The following XRCC4 variants were observed in gnomAD, a reference collection of about 807,000 sequenced individuals.
XRCC4 encodes the protein X-ray repair cross complementing 4, also known as DNA repair protein XRCC4.
A neutral mutation model predicts 39.1 loss-of-function variants in XRCC4; 28 were observed. That is an observed-to-expected ratio of 0.72 (90% confidence interval 0.53 to 0.98). The LOEUF (loss-of-function observed/expected upper bound fraction) is 0.98, where lower values mean the gene tolerates loss of function less well. Ranked by LOEUF, XRCC4 falls within the 50% of genes least tolerant of loss-of-function variation. The pLI is 0.00. For missense variants in XRCC4, 350 were observed against 376.4 expected, an observed-to-expected ratio of 0.93 and a Z score of 0.58; for synonymous variants, 123 against 126.4, an observed-to-expected ratio of 0.97 and a Z score of 0.18.
intron 3 of XRCC4, among the ~76,000 whole-genome samples, chr5:83,192,443 G>C (rs1189329771): frequency 2.0e-5 from 3 of 151,536 alleles, no homozygotes; most frequent in Non-Finnish European, 4.4e-5. Context: ...GAGTAGCTGG[G>C]ACTACAGGCA....
At chr5:83,271,289 A>G (rs1308008001) in intron 7 of XRCC4, among the ~76,000 whole-genome samples, 2 of 152,180 alleles carry the variant, frequency 1.3e-5, no homozygotes, top group East Asian at 3.8e-4. Context: ...TTGGAATATC[A>G]TAGATTATTA....
intron 3 of XRCC4, among the ~76,000 whole-genome samples, chr5:83,195,512 C>G (rs1750899536): frequency 6.6e-6 from 1 of 152,064 alleles, no homozygotes; most frequent in Non-Finnish European, 1.5e-5. Context: ...ATGTTGCTTT[C>G]TTTTCTGCTA....
chr5:83,157,919 G>A (rs889755170), intron 3 of XRCC4, among the ~76,000 whole-genome samples: 2 of 152,036 alleles, frequency 1.3e-5, no homozygotes, highest in African/African-American at 4.8e-5. Context: ...TGGTTATTCA[G>A]TTATTGAAAA....
chr5:83,323,488 G>T (rs1349696677), intron 7 of XRCC4, among the ~76,000 whole-genome samples: 4 of 151,934 alleles, frequency 2.6e-5, no homozygotes, highest in African/African-American at 9.7e-5. Flanking sequence ...TAATCAGTTG[G>T]AGAGAAATTA....
chr5:83,096,381 G>A (rs1304368579), intron 1 of XRCC4, among the ~76,000 whole-genome samples: 1 of 152,118 alleles, frequency 6.6e-6, no homozygotes, highest in Non-Finnish European at 1.5e-5. Flanking sequence ...ATGTTGGTGG[G>A]CTGACCGGCC....
chr5:83,151,077 T>C (rs1748680397), intron 3 of XRCC4, among the ~76,000 whole-genome samples: 1 of 152,134 alleles, frequency 6.6e-6, no homozygotes, highest in Admixed American at 6.5e-5. Flanking sequence ...CAAGGCTTCA[T>C]ATATACATTT....
At chr5:83,141,542 A>AT (rs1287183659) in intron 3 of XRCC4, among the ~76,000 whole-genome samples, 2 of 151,916 alleles carry the variant, frequency 1.3e-5, no homozygotes, top group Non-Finnish European at 2.9e-5. Context: ...TTTAGTTTGC[A>AT]TTTTTCCAAT....
chr5:83,209,677 C>T (rs72767195), intron 6 of XRCC4, among the ~76,000 whole-genome samples: 5,677 of 151,984 alleles, frequency 0.037, 146 homozygotes, highest in South Asian at 0.13. Flanking sequence ...ATTTTAATTC[C>T]TCACTAATTA....
intron 7 of XRCC4, among the ~76,000 whole-genome samples, chr5:83,350,199 T>C (rs1461721788): frequency 6.6e-6 from 1 of 152,220 alleles, no homozygotes; most frequent in Non-Finnish European, 1.5e-5. Context: ...GTCTTTGCTG[T>C]TGTGAATAGT....
rs576385850 is a variant in XRCC4, at chr5:83,347,235, T to TA, written c.894-5888dup. On this transcript the variant is annotated intron_variant, in intron 7 of 7. Coordinates refer to ENST00000396027, the MANE Select transcript of XRCC4 (RefSeq NM_003401.5). ...AATGTGTAGAATGATCACATTTTTG[T>TA]AAAAAAAAGGCTGTGAATGTACAAG... 7.9e-4 allele frequency among the ~76,000 whole-genome samples: 120 copies of TA among 152,022 alleles called. 1 individual carries two copies. Among genetic ancestry groups the TA allele is most frequent in the African/African-American group, 7.7e-4 (32 of 41,460 alleles).
At chr5:83,096,993 C>A (rs1745707674) in intron 1 of XRCC4, among the ~76,000 whole-genome samples, 1 of 152,136 alleles carries the variant, frequency 6.6e-6, no homozygotes, top group Non-Finnish European at 1.5e-5. Context: ...GAAAATAGAG[C>A]TTGACTTAAA....
At chr5:83,266,032 T>C (rs1753942319) in intron 7 of XRCC4, among the ~76,000 whole-genome samples, 1 of 152,100 alleles carries the variant, frequency 6.6e-6, no homozygotes. Flanking sequence ...GTATGTTTCC[T>C]ATATGTTATA....
chr5:83,290,324 A>G (rs972266953), intron 7 of XRCC4, among the ~76,000 whole-genome samples: 2 of 151,618 alleles, frequency 1.3e-5, no homozygotes, highest in African/African-American at 4.8e-5. Flanking sequence ...TCTTATTTTG[A>G]CTTATATATA....
intron 1 of XRCC4, among the ~76,000 whole-genome samples, chr5:83,083,375 A>ATTTTTT (rs576959639): frequency 8.7e-5 from 11 of 126,860 alleles, no homozygotes; most frequent in African/African-American, 1.9e-4. Context: ...TGAATCTGTA[A>ATTTTTT]TTTTTTTTTT....
intron 3 of XRCC4, among the ~76,000 whole-genome samples, chr5:83,143,214 T>G (rs1561359306): frequency 6.6e-6 from 1 of 152,148 alleles, no homozygotes; most frequent in Non-Finnish European, 1.5e-5. Context: ...GAGAATTAGT[T>G]TTGTTATTAT....
intron 6 of XRCC4, among the ~76,000 whole-genome samples, chr5:83,207,178 C>T (rs937493215): frequency 1.3e-5 from 2 of 152,040 alleles, no homozygotes; most frequent in African/African-American, 4.8e-5. Flanking sequence ...ATACAATGAC[C>T]TTTGGTCTTG....
rs113943935 is a variant in XRCC4, at chr5:83,190,117, G to C, written c.316-5653G>C. ...CATTTTAGAAAGTCACTAAACTGAA[G>C]AGTTCAGGATATAAAGACTTAGGTT... On this transcript the variant is annotated intron_variant, in intron 3 of 7. Transcript: ENST00000396027. Among the ~76,000 whole-genome samples the C allele has an allele frequency of 7.2e-3, 1,095 of 152,154 alleles. 8 individuals are homozygous for C. The highest frequency in any genetic ancestry group is 0.013 in the Admixed American group (206 of 15,274).
intron 6 of XRCC4, among the ~76,000 whole-genome samples, chr5:83,254,195 A>G (rs1183862212): frequency 6.6e-6 from 1 of 151,092 alleles, no homozygotes; most frequent in Non-Finnish European, 1.5e-5. Context: ...AGAATTCTGG[A>G]GGTGGAATCT....
intron 6 of XRCC4, among the ~76,000 whole-genome samples, chr5:83,245,742 T>C (rs988687520): frequency 6.6e-6 from 1 of 152,074 alleles, no homozygotes; most frequent in East Asian, 1.9e-4. Context: ...AAATATCTTA[T>C]TTGATCAGGG....
Sources: allele counts gnomAD v4.1 joint callset (sites outside exome capture counted in the v4.1 genomes callset), GRCh38; gene constraint gnomAD v4.1.1; transcripts MANE v1.5; gene names NCBI Gene and HGNC (gene_info 2026-07-23, HGNC 2026-07-21).